Variants in MGAT4C observed in about 807,000 individuals in gnomAD.
MGAT4C encodes alpha-1,3-mannosyl-glycoprotein 4-beta-N-acetylglucosaminyltransferase C.
Under a neutral mutation model 40.1 loss-of-function variants are expected in MGAT4C, and 19 were observed. The ratio of observed to expected loss-of-function variants is 0.47; its 90% CI spans 0.33 to 0.70. The LOEUF is 0.70. Among genes scored for constraint, MGAT4C ranks in the 30% least tolerant of loss-of-function variants. The pLI is 0.02. For synonymous variants in MGAT4C, 181 were observed against 187.1 expected (o/e 0.97, Z 0.27); for missense variants, 491 against 563.2 (o/e 0.87, Z 1.30).
chr12:86,164,513 T>C (rs1885970568), intron 1 of MGAT4C, among the ~76,000 whole-genome samples: 1 of 152,340 alleles, frequency 6.6e-6, no homozygotes, highest in South Asian at 2.1e-4. Context: ...ATGGGACAGA[T>C]AGACATTAAT....
At chr12:86,632,164 A>T (rs985515363) in intron 2 of MGAT4C, among the ~76,000 whole-genome samples, 2 of 152,116 alleles carry the variant, frequency 1.3e-5, no homozygotes, top group Non-Finnish European at 2.9e-5. Flanking sequence ...AATGCTCATC[A>T]TCACTGGTCA....
At chr12:86,353,183 T>C (rs1030510684) in intron 3 of MGAT4C, among the ~76,000 whole-genome samples, 2 of 152,056 alleles carry the variant, frequency 1.3e-5, no homozygotes, top group African/African-American at 2.4e-5. Flanking sequence ...TTTCAATGCT[T>C]ATCTCCTCTA....
At chr12:86,733,284 G>A (rs1260177458) in intron 1 of MGAT4C, among the ~76,000 whole-genome samples, 1 of 151,974 alleles carries the variant, frequency 6.6e-6, no homozygotes, top group Non-Finnish European at 1.5e-5. Context: ...ATTATTTCTG[G>A]AACAGTGTAA....
At chr12:86,092,956 T>C (rs1256368714) in intron 1 of MGAT4C, among the ~76,000 whole-genome samples, 1 of 152,066 alleles carries the variant, frequency 6.6e-6, no homozygotes, top group Admixed American at 6.6e-5. Context: ...GCTTCTCCCA[T>C]CAACCGGTCA....
rs186501020 is a variant in MGAT4C at position 86,767,111 on chromosome 12, T to C, written c.-261-39870A>G. On this transcript the variant is annotated intron_variant, in intron 1 of 7. Coordinates refer to the MGAT4C transcript ENST00000548651. ...TTTTTGAAAAGATCAACAAAATTGA[T>C]GGACTGCTAGCAAGATTAATAAAGA... Among the ~76,000 whole-genome samples the C allele has an allele frequency of 3.1e-3, 471 of 152,162 alleles. 3 individuals carry two copies. The highest frequency in any genetic ancestry group is 0.014 in the Middle Eastern group (4 of 294).
In MGAT4C at chr12:86,039,119, A is replaced by T. The variant is rs569156158; in HGVS notation, c.-7+10555T>A. Among the ~76,000 whole-genome samples the T allele has an allele frequency of 3.0e-5, 4 of 131,804 alleles. No individual in the cohort carries two copies. In the South Asian group the frequency reaches 9.0e-4, roughly 30 times the overall value. The allele number at this position is 131,804 out of a possible 152,430, so 86.5% of individuals were successfully genotyped here. The stretch of plus-strand genomic sequence containing the variant: ...GTCTGATGGGCTTCCCTTTGTGGGT[A>T]ACCCAACCTTTCTCTCTGGCTGCCC... On this transcript the variant is annotated intron_variant, in intron 2 of 4. Transcript: ENST00000611864.
chr12:86,186,526 C>A (rs186709817), intron 1 of MGAT4C, among the ~76,000 whole-genome samples: 2 of 152,210 alleles, frequency 1.3e-5, no homozygotes, highest in East Asian at 3.9e-4. Flanking sequence ...TACCAAGCTG[C>A]AAAACAAATT....
chr12:86,408,218 G>T (rs1226367289), intron 3 of MGAT4C, among the ~76,000 whole-genome samples: 1 of 151,782 alleles, frequency 6.6e-6, no homozygotes, highest in Non-Finnish European at 1.5e-5. Flanking sequence ...CTATTTTGTA[G>T]TATGCTTCAT....
chr12:86,440,740 A>G (rs1358423385), intron 2 of MGAT4C, among the ~76,000 whole-genome samples: 2 of 152,138 alleles, frequency 1.3e-5, no homozygotes, highest in African/African-American at 4.8e-5. Context: ...AGAGTCCTTC[A>G]GAAGACTCCT....
intron 2 of MGAT4C, among the ~76,000 whole-genome samples, chr12:86,512,194 A>G (rs1306560363): frequency 6.6e-6 from 1 of 152,116 alleles, no homozygotes; most frequent in African/African-American, 2.4e-5. Flanking sequence ...ATTCTCAGGG[A>G]AATCCAAATC....
chr12:86,774,329 T>TTCTTTCTTTCTTTCTTTTCTTTCTC (rs1174701855), intron 1 of MGAT4C, among the ~76,000 whole-genome samples: 4 of 106,258 alleles, frequency 3.8e-5, no homozygotes, highest in Non-Finnish European at 7.8e-5. Context: ...CTTTCTTTCT[T>TTCTTTCTTTCTTTCTTTTCTTTCTC]TCTTTCTTTC....
intron 2 of MGAT4C, among the ~76,000 whole-genome samples, chr12:86,040,979 C>T (rs1483683810): frequency 6.6e-6 from 1 of 152,128 alleles, no homozygotes; most frequent in Non-Finnish European, 1.5e-5. Flanking sequence ...GACGCCCCAC[C>T]CTGCTTCAAC....
rs576968441 is a variant in MGAT4C at position 86,751,604 on chromosome 12, A to G, written c.-261-24363T>C. Among the ~76,000 whole-genome samples the G allele has an allele frequency of 8.9e-4, 136 of 152,134 alleles. 1 individual carries two copies. Among genetic ancestry groups the G allele is most frequent in the African/African-American group, 3.2e-3 (132 of 41,552 alleles). ...TTTATATCCTGAGTTTCTTATTTCT[A>G]CCACTCTAATTAATAGCTTTAGCAT... On this transcript the variant is annotated intron_variant, in intron 1 of 7. Coordinates refer to the MGAT4C transcript ENST00000548651.
At chr12:86,585,467 T>C (rs146028284) in intron 2 of MGAT4C, among the ~76,000 whole-genome samples, 66 of 151,574 alleles carry the variant, frequency 4.4e-4, no homozygotes, top group Admixed American at 1.1e-3. Context: ...AAAAACATAT[T>C]ACATTAATTA....
intron 2 of MGAT4C, among the ~76,000 whole-genome samples, chr12:86,522,401 AT>A (rs1413040034): frequency 6.6e-6 from 1 of 152,176 alleles, no homozygotes; most frequent in East Asian, 1.9e-4. Flanking sequence ...AATGAATCAC[AT>A]TTATTGATTT....
intron 1 of MGAT4C, among the ~76,000 whole-genome samples, chr12:86,066,274 A>G (rs907584770): frequency 6.6e-6 from 1 of 152,174 alleles, no homozygotes; most frequent in Non-Finnish European, 1.5e-5. Context: ...CAAAAAGAAC[A>G]AAGCTGGATG....
intron 2 of MGAT4C, among the ~76,000 whole-genome samples, chr12:86,476,558 C>T (rs1957838230): frequency 6.6e-6 from 1 of 152,040 alleles, no homozygotes; most frequent in African/African-American, 2.4e-5. Flanking sequence ...ACCATTTCAC[C>T]CAGCCATCCC....
chr12:86,486,847 T>C (rs1267606820), intron 2 of MGAT4C, among the ~76,000 whole-genome samples: 1 of 152,168 alleles, frequency 6.6e-6, no homozygotes, highest in Non-Finnish European at 1.5e-5. Context: ...CGTCAGTCTG[T>C]TGATAGTTAA....
rs1026874275 is a variant in MGAT4C, at chr12:86,665,895, A to C, written c.-229+61314T>G. 3.9e-5 allele frequency among the ~76,000 whole-genome samples: 6 copies of C among 152,310 alleles called. 1 individual carries two copies. In the South Asian group the frequency reaches 1.2e-3, roughly 32 times the overall value. On this transcript the variant is annotated intron_variant, in intron 2 of 7. Transcript: ENST00000548651. ...TTTGCTTGCATCTTTATCTAAAAGA[A>C]AACTATTGAAATAGTTTCAAGAAGC...
Sources: gnomAD v4.1 joint callset for allele counts (sites outside exome capture counted in the v4.1 genomes callset) on GRCh38, gnomAD v4.1.1 for gene constraint, MANE v1.5 for transcripts, NCBI Gene and HGNC (gene_info 2026-07-23, HGNC 2026-07-21) for gene names.